Variants in CHST12 observed in about 807,000 individuals in gnomAD.
CHST12 encodes carbohydrate (chondroitin 4) sulfotransferase 12.
CHST12 carries 23 observed loss-of-function variants against 27.9 expected under a neutral mutation model. That is an observed-to-expected ratio of 0.82 (90% CI 0.59 to 1.17). The LOEUF (loss-of-function observed/expected upper bound fraction) is 1.17, where lower values mean the gene tolerates loss of function less well. Among genes scored for constraint, CHST12 ranks in the 50% most tolerant of loss-of-function variants. CHST12 has a pLI of 0.00. For missense variants in CHST12, 682 were observed against 603.0 expected (o/e 1.13, Z -1.37); for synonymous variants, 322 against 273.0 (o/e 1.18, Z -1.77).
At chr7:2,415,029 A>G (rs993711520) in intron 1 of CHST12, among the ~76,000 whole-genome samples, 3 of 152,214 alleles carry the variant, frequency 2.0e-5, no homozygotes, top group Non-Finnish European at 4.4e-5. Context: ...GAATATCGCA[A>G]TAAAGAGAGT....
chr7:2,431,397 C>G (rs985308479), intron 1 of CHST12, among the ~76,000 whole-genome samples: 1 of 152,234 alleles, frequency 6.6e-6, no homozygotes, highest in Non-Finnish European at 1.5e-5. Flanking sequence ...CTTGCCCCAC[C>G]TCTAACCACC....
intron 1 of CHST12, among the ~76,000 whole-genome samples, chr7:2,418,223 G>T (rs1203452211): frequency 6.6e-6 from 1 of 152,248 alleles, no homozygotes; most frequent in African/African-American, 2.4e-5. Context: ...TGTGAGCAAA[G>T]AAATATTTAA....
At chr7:2,414,136 A>G (rs1245052981) in intron 1 of CHST12, among the ~76,000 whole-genome samples, 1 of 151,706 alleles carries the variant, frequency 6.6e-6, no homozygotes, top group Non-Finnish European at 1.5e-5. Context: ...GTCTGTTCAA[A>G]TTTTTTGCTT....
chr7:2,407,356 G>A (rs1315355398), intron 1 of CHST12, among the ~76,000 whole-genome samples: 2 of 152,230 alleles, frequency 1.3e-5, no homozygotes, highest in Non-Finnish European at 2.9e-5. Context: ...GCTGAGGTGG[G>A]AGGATCACTT....
In CHST12 at chr7:2,444,628, A is replaced by T. The variant is rs1287561058; in HGVS notation, c.*10744A>T. ...CCAGAAAGAAACTGTTAGGCTCTGAAGCCGTGGGCCAGGCCAAGACAGAGA... is the reference window on the plus strand; with the variant it reads ...CCAGAAAGAAACTGTTAGGCTCTGATGCCGTGGGCCAGGCCAAGACAGAGA... On this transcript the variant is annotated 3_prime_UTR_variant, in exon 2 of 2. Coordinates refer to ENST00000618655, the MANE Select transcript of CHST12 (RefSeq NM_018641.5). 6.6e-6 allele frequency: 1 copy of T among 152,302 alleles called. No homozygotes were observed. Among genetic ancestry groups the T allele is most frequent in the Admixed American group, 6.5e-5 (1 of 15,280 alleles). The allele number at this position is 152,302 out of a possible 1,614,324, so 9.4% of individuals were successfully genotyped here.
At chr7:2,419,260 T>G (rs1378308313) in intron 1 of CHST12, among the ~76,000 whole-genome samples, 1 of 151,832 alleles carries the variant, frequency 6.6e-6, no homozygotes, top group African/African-American at 2.4e-5. Flanking sequence ...AATACAAAAA[T>G]TAGCCAGGCG....
chr7:2,419,193 G>A (rs1383535382), intron 1 of CHST12, among the ~76,000 whole-genome samples: 1 of 152,072 alleles, frequency 6.6e-6, no homozygotes, highest in Non-Finnish European at 1.5e-5. Context: ...TAGATCACTT[G>A]AGCCCAGGAG....
At chr7:2,414,493 C>T (rs1333588883) in intron 1 of CHST12, among the ~76,000 whole-genome samples, 1 of 152,104 alleles carries the variant, frequency 6.6e-6, no homozygotes, top group East Asian at 1.9e-4. Flanking sequence ...CCATGTTGGA[C>T]AGGCTGGTCT....
At chr7:2,408,081 G>A (rs1014476329) in intron 1 of CHST12, among the ~76,000 whole-genome samples, 3 of 151,906 alleles carry the variant, frequency 2.0e-5, no homozygotes, top group Admixed American at 6.6e-5. Flanking sequence ...GATAGTGAGA[G>A]TTCAGAGGCC....
chr7:2,432,299 G>A (rs1782292306), intron 1 of CHST12, among the ~76,000 whole-genome samples: 1 of 152,064 alleles, frequency 6.6e-6, no homozygotes, highest in Admixed American at 6.5e-5. Context: ...TCCCGCCAGT[G>A]GCGAGTGTCA....
intron 1 of CHST12, among the ~76,000 whole-genome samples, chr7:2,410,776 G>C (rs1781644460): frequency 6.6e-6 from 1 of 152,164 alleles, no homozygotes; most frequent in Admixed American, 6.5e-5. Context: ...TGAGGCTGGA[G>C]AGGGTCGCCG....
At chr7:2,414,641 C>T (rs959138754) in intron 1 of CHST12, among the ~76,000 whole-genome samples, 2 of 152,152 alleles carry the variant, frequency 1.3e-5, no homozygotes, top group African/African-American at 2.4e-5. Context: ...TTGATAAAGT[C>T]CAATTTACCA....
Position 2,433,113 on chromosome 7 carries a change from C to T in CHST12, c.474C>T (p.Ile158=), listed in dbSNP as rs762617272. The change falls in exon 2 of 2, where the codon ATC becomes ATT. Residue 158 remains isoleucine, a synonymous_variant. Coordinates refer to ENST00000618655, the MANE Select transcript of CHST12 (RefSeq NM_018641.5). The surrounding 1 kb of genome is among the most constrained non-coding windows in gnomAD (Gnocchi z 6.1). ...DIPNSELSHL[I]VDDRHGAIYC... ...CCAACTCGGAGCTGAGCCACCTGAT[C>T]GTGGACGACCGGCACGGGGCCATCT... 6.6e-5 allele frequency: 107 copies of T among 1,612,338 alleles called. No homozygotes were observed. Among genetic ancestry groups the T allele is most frequent in the Non-Finnish European group, 8.7e-5 (103 of 1,179,426 alleles).
At chr7:2,414,248 A>G (rs576257848) in intron 1 of CHST12, among the ~76,000 whole-genome samples, 115 of 151,892 alleles carry the variant, frequency 7.6e-4, no homozygotes, top group African/African-American at 2.4e-3. Context: ...CTCCCGGCCT[A>G]TGGCCTGTCT....
At chr7:2,415,816 G>A (rs1003628903) in intron 1 of CHST12, among the ~76,000 whole-genome samples, 6 of 151,874 alleles carry the variant, frequency 4.0e-5, no homozygotes, top group African/African-American at 9.7e-5. Flanking sequence ...GGGTTTTACC[G>A]TGTTAGCCAG....
At chr7:2,413,008 A>G (rs1781707290) in intron 1 of CHST12, among the ~76,000 whole-genome samples, 1 of 152,182 alleles carries the variant, frequency 6.6e-6, no homozygotes, top group Non-Finnish European at 1.5e-5. Flanking sequence ...ACAGAGAGAT[A>G]AGTAAGGCCG....
Position 2,441,257 on chromosome 7 carries a change from A to C in CHST12, c.*7373A>C, listed in dbSNP as rs142642041. On this transcript the variant is annotated 3_prime_UTR_variant, in exon 2 of 2. Transcript: ENST00000618655. The stretch of plus-strand genomic sequence containing the variant: ...AACAGAGCTGCCACCTGCTCACCGC[A>C]GACCCAGGGGCCCAGGAGGAGCGGA... 1 of 152,322 alleles carries C rather than the reference A, an allele frequency of 6.6e-6. No homozygotes were observed. Among genetic ancestry groups the C allele is most frequent in the East Asian group, 1.9e-4 (1 of 5,208 alleles). 9.4% of individuals were successfully genotyped at this position (152,322 alleles called of 1,614,324 possible).
chr7:2,426,677 TATAAC>T (rs991240858), intron 1 of CHST12, among the ~76,000 whole-genome samples: 7 of 151,756 alleles, frequency 4.6e-5, no homozygotes, highest in Admixed American at 1.3e-4. Flanking sequence ...ATTAAAAAAA[TATAAC>T]ATACAAGAGT....
At chr7:2,421,999 A>AT (rs1781986261) in intron 1 of CHST12, among the ~76,000 whole-genome samples, 1 of 152,236 alleles carries the variant, frequency 6.6e-6, no homozygotes. Flanking sequence ...GGTTGTATAT[A>AT]TGTAATGCTT....
Sources: gnomAD v4.1 joint callset for allele counts (sites outside exome capture counted in the v4.1 genomes callset) on GRCh38, gnomAD v4.1.1 for gene constraint, Gnocchi (gnomAD v3.1) non-coding constraint, MANE v1.5 for transcripts, NCBI Gene and HGNC (gene_info 2026-07-23, HGNC 2026-07-21) for gene names.